Variants in STAB2 observed in about 807,000 individuals in gnomAD.
STAB2 encodes the protein stabilin 2, also known as stabilin-2.
Under a neutral mutation model 338.1 loss-of-function variants are expected in STAB2, and 288 were observed. The observed-to-expected ratio is 0.85, with a 90% CI of 0.77 to 0.94. STAB2 has a LOEUF of 0.94. Among genes scored for constraint, STAB2 ranks in the 40% least tolerant of loss-of-function variants. The pLI is 0.00. For missense variants in STAB2, 3,141 were observed against 3,210.1 expected (o/e 0.98, Z 0.52); for synonymous variants, 1,202 against 1,193.3 (o/e 1.01, Z -0.15).
chr12:103,644,530 AAAATAAAT>A (rs58759684), intron 9 of STAB2, among the ~76,000 whole-genome samples: 29,548 of 144,098 alleles, frequency 0.21, 3,086 homozygotes, highest in African/African-American at 0.26. Flanking sequence ...ATGATCAATA[AAAATAAAT>A]AAATAAATAA....
intron 38 of STAB2, 47 bp downstream of exon 38, chr12:103,707,034 C>A: frequency 1.9e-6 from 3 of 1,596,610 alleles, no homozygotes; most frequent in African/African-American, 2.7e-5. Flanking sequence ...CTGAAACCAA[C>A]CAGGAATATG....
rs746831214 is a variant in STAB2, at chr12:103,762,257, CCTTT to C, written c.7360-12_7360-9del. ...AGAAGTTTTAAGAATGGGCCCCTTT[CCTTT>C]CTTTGTGTTCAGACCTTGACCCACA... is the stretch of plus-strand genomic sequence containing the variant. On this transcript the variant is annotated splice_polypyrimidine_tract_variant and intron_variant, in intron 66 of 68. Coordinates refer to ENST00000388887, the MANE Select transcript of STAB2 (RefSeq NM_017564.10). The C allele has an allele frequency of 4.8e-5, 77 of 1,612,910 alleles. No individual in the cohort carries two copies. The highest frequency in any genetic ancestry group is 6.0e-5 in the Non-Finnish European group (71 of 1,179,736).
Position 103,685,018 on chromosome 12 carries a change from CTG to C in STAB2, c.2932_2933del (p.Trp978GlufsTer9), listed in dbSNP as rs764597739. ...ASCQSTSSGV[W>X]SCVCQEGYEG... is the part of the protein sequence containing the mutation. ...GCTGTCAATCTACTTCGTCTGGTGT[CTG>C]GAGCTGTGTTTGTCAAGAGGGCTAT... On this transcript the variant is annotated frameshift_variant, in exon 27 of 69. Coordinates refer to ENST00000388887, the MANE Select transcript of STAB2 (RefSeq NM_017564.10). LOFTEE classifies it high-confidence loss of function. 2.5e-6 allele frequency: 4 copies of C among 1,613,980 alleles called. No homozygotes were observed. In the South Asian group the frequency reaches 3.3e-5, roughly 13 times the overall value.
At chr12:103,637,526 G>T (rs2138685132) in intron 7 of STAB2, among the ~76,000 whole-genome samples, 1 of 152,190 alleles carries the variant, frequency 6.6e-6, no homozygotes, top group East Asian at 1.9e-4. Flanking sequence ...TTTATAAAAA[G>T]CTGTATTATG....
chr12:103,743,017 T>C (rs1281324707), intron 56 of STAB2, among the ~76,000 whole-genome samples: 1 of 89,228 alleles, frequency 1.1e-5, no homozygotes, highest in African/African-American at 4.2e-5. Flanking sequence ...CCAGCAATTT[T>C]TTTTTCTTTT....
chr12:103,675,793 T>C (rs1268900052), intron 23 of STAB2, 135 bp from the exon 24 acceptor site: 3 of 623,924 alleles, frequency 4.8e-6, no homozygotes, highest in South Asian at 2.2e-5. Flanking sequence ...CCGACCACAT[T>C]TGAGCGCTGG....
intron 15 of STAB2, among the ~76,000 whole-genome samples, 171 bp downstream of exon 15, chr12:103,655,752 A>G (rs1251886917): frequency 6.6e-6 from 1 of 152,172 alleles, no homozygotes; most frequent in Non-Finnish European, 1.5e-5. Flanking sequence ...TCTGGAACTA[A>G]GCCTGGATGT....
rs755387940 is a variant in STAB2 at position 103,685,029 on chromosome 12, T to C, written c.2942T>C (p.Val981Ala). 6.2e-7 allele frequency: 1 copy of C among 1,613,934 alleles called. No homozygotes were observed. Among genetic ancestry groups the C allele is most frequent in the East Asian group, 2.2e-5 (1 of 44,900 alleles). ...QSTSSGVWSC[V>A]CQEGYEGDGF... Reference sequence around the variant, plus strand: ...ACTTCGTCTGGTGTCTGGAGCTGTGTTTGTCAAGAGGGCTATGAAGGAGAT... The same window carrying C: ...ACTTCGTCTGGTGTCTGGAGCTGTGCTTGTCAAGAGGGCTATGAAGGAGAT... Residue 981 changes from valine to alanine, a missense_variant, in exon 27 of 69, where the codon GTT (valine) becomes GCT (alanine). Coordinates refer to ENST00000388887, the MANE Select transcript of STAB2 (RefSeq NM_017564.10).
At chr12:103,719,740 ACAGTTGCATC>A (rs564608834) in intron 44 of STAB2, among the ~76,000 whole-genome samples, 70 of 152,156 alleles carry the variant, frequency 4.6e-4, no homozygotes, top group African/African-American at 1.6e-3. Flanking sequence ...AGTTGCATCC[ACAGTTGCATC>A]CAGTCCTTAG....
intron 41 of STAB2, among the ~76,000 whole-genome samples, chr12:103,713,384 C>T (rs1880037775): frequency 6.6e-6 from 1 of 152,158 alleles, no homozygotes; most frequent in Non-Finnish European, 1.5e-5. Flanking sequence ...TGGGGATTCT[C>T]CCAGAGGGCC....
intron 25 of STAB2, among the ~76,000 whole-genome samples, chr12:103,681,779 A>G (rs902482759): frequency 1.3e-5 from 2 of 151,020 alleles, no homozygotes; most frequent in Non-Finnish European, 3.0e-5. Flanking sequence ...GTGCCACCAC[A>G]CCCAGCTAAT....
At chr12:103,750,126 T>C (rs1048697576) in intron 59 of STAB2, among the ~76,000 whole-genome samples, 1 of 152,184 alleles carries the variant, frequency 6.6e-6, no homozygotes, top group Non-Finnish European at 1.5e-5. Context: ...CAACCAGTGG[T>C]CATTGTGCAC....
intron 3 of STAB2, among the ~76,000 whole-genome samples, chr12:103,612,518 C>T (rs1366593239): frequency 6.6e-6 from 1 of 152,162 alleles, no homozygotes; most frequent in Non-Finnish European, 1.5e-5. Context: ...AGTTCTTGTG[C>T]CATAGTTTTC....
chr12:103,733,853 G>C (rs952897247), intron 51 of STAB2, among the ~76,000 whole-genome samples: 1 of 149,998 alleles, frequency 6.7e-6, no homozygotes, highest in East Asian at 2.0e-4. Context: ...GATCATATGA[G>C]AGCAGCATGA....
chr12:103,740,615 A>G lies in STAB2; in HGVS notation c.5755-15A>G. 2 of 1,609,704 alleles carry G rather than the reference A, an allele frequency of 1.2e-6. No homozygotes were observed. The highest frequency in any genetic ancestry group is 1.7e-6 in the Non-Finnish European group (2 of 1,178,280). Reference sequence around the variant, plus strand: ...GCAGTGGTAAGTGAAGGGATGGTCCACTCTCTTCCCTTAGGGTGTGAAGCA... The same window carrying G: ...GCAGTGGTAAGTGAAGGGATGGTCCGCTCTCTTCCCTTAGGGTGTGAAGCA... On this transcript the variant is annotated splice_polypyrimidine_tract_variant and intron_variant, in intron 54 of 68. Transcript: ENST00000388887.
At chr12:103,706,227 TGGCCCTTAG>T (rs1007095511) in intron 37 of STAB2, among the ~76,000 whole-genome samples, 20 of 152,142 alleles carry the variant, frequency 1.3e-4, no homozygotes, top group African/African-American at 4.6e-4. Flanking sequence ...TGGGGTGATC[TGGCCCTTAG>T]GCTGCAGAGC....
chr12:103,594,498 C>G lies in STAB2; in HGVS notation c.319C>G (p.Pro107Ala), dbSNP rs1173191154. The change falls in exon 3 of 69, where the codon CCA becomes GCA. Residue 107 changes from proline (P) to alanine (A), a missense_variant. By Grantham distance (27) the Pro-to-Ala change is conservative (BLOSUM62 -1). Transcript: ENST00000388887. ...QPRCCPGRWG[P>A]DCIECPGGAG... Reference sequence around the variant, plus strand: ...TCGGTGTTGTCCTGGCCGCTGGGGCCCAGACTGTATAGGTAAGTGGCACAA... The same window carrying G: ...TCGGTGTTGTCCTGGCCGCTGGGGCGCAGACTGTATAGGTAAGTGGCACAA... The G allele has an allele frequency of 1.2e-6, 2 of 1,613,538 alleles. No homozygotes were observed. Among genetic ancestry groups the G allele is most frequent in the Non-Finnish European group, 1.7e-6 (2 of 1,179,558 alleles).
At chr12:103,598,889 G>C (rs190179440) in intron 3 of STAB2, among the ~76,000 whole-genome samples, 1 of 152,240 alleles carries the variant, frequency 6.6e-6, no homozygotes, top group East Asian at 1.9e-4. Context: ...CTATCCCCAA[G>C]GAGCTCACAG....
chr12:103,763,540 A>C lies in STAB2; in HGVS notation c.7537A>C (p.Asn2513His). ...AGCTCTTGGCAAGCAGCAGCCTGAGAATATCTCGAACCCCTTGTATGAGAG... is the reference window on the plus strand; with the variant it reads ...AGCTCTTGGCAAGCAGCAGCCTGAGCATATCTCGAACCCCTTGTATGAGAG... ...VAALGKQQPE[N>H]ISNPLYESTT... Residue 2513 changes from asparagine (N) to histidine (H), a missense_variant, in exon 68 of 69, where the codon AAT (asparagine) becomes CAT (histidine). Coordinates refer to ENST00000388887, the MANE Select transcript of STAB2 (RefSeq NM_017564.10). 1 of 1,614,034 alleles carries C rather than the reference A, an allele frequency of 6.2e-7. No individual in the cohort carries two copies. Among genetic ancestry groups the C allele is most frequent in the Non-Finnish European group, 8.5e-7 (1 of 1,179,984 alleles).
Sources: gnomAD v4.1 joint callset for allele counts (sites outside exome capture counted in the v4.1 genomes callset) on GRCh38, gnomAD v4.1.1 for gene constraint, MANE v1.5 for transcripts, NCBI Gene and HGNC (gene_info 2026-07-23, HGNC 2026-07-21) for gene names.